The following NXPE4 variants were observed in gnomAD, a reference collection of about 807,000 sequenced individuals.
NXPE4 encodes neurexophilin and PC-esterase domain family member 4.
In NXPE4, 42 loss-of-function variants were observed where a neutral mutation model predicts 33.3. That is an observed-to-expected ratio of 1.26 (90% confidence interval 0.98 to 1.63). The LOEUF (loss-of-function observed/expected upper bound fraction) is 1.63. Ranked by LOEUF, NXPE4 falls within the 40% of genes most tolerant of loss-of-function variation. The pLI, the probability that NXPE4 is intolerant of heterozygous loss-of-function variation, is 0.00. For synonymous variants in NXPE4, 253 were observed against 234.9 expected, an observed-to-expected ratio of 1.08 and a Z score of -0.71; for missense variants, 709 against 647.6, an observed-to-expected ratio of 1.09 and a Z score of -1.03.
intron 5 of NXPE4, among the ~76,000 whole-genome samples, chr11:114,578,052 A>T (rs182815866): frequency 8.5e-5 from 13 of 152,324 alleles, no homozygotes; most frequent in Admixed American, 8.5e-4. Flanking sequence ...CACATTAATT[A>T]GACTTTTATC....
At chr11:114,585,889 C>T (rs1949283765) in intron 2 of NXPE4, among the ~76,000 whole-genome samples, 1 of 152,130 alleles carries the variant, frequency 6.6e-6, no homozygotes, top group Non-Finnish European at 1.5e-5. Context: ...CAGGCATGTT[C>T]AACATGGAGG....
chr11:114,621,034 G>T, the NXPE4 span, among the ~76,000 whole-genome samples: 1 of 152,142 alleles, frequency 6.6e-6, no homozygotes. Context: ...CTGTTACGCA[G>T]TGCACAATAA....
chr11:114,617,558 A>G, the NXPE4 span, among the ~76,000 whole-genome samples: 1 of 152,102 alleles, frequency 6.6e-6, no homozygotes, highest in African/African-American at 2.4e-5. Flanking sequence ...CCAGTGGAAA[A>G]TAATAGTTGC....
the NXPE4 span, among the ~76,000 whole-genome samples, chr11:114,632,009 C>A: frequency 6.8e-6 from 1 of 146,050 alleles, no homozygotes; most frequent in Non-Finnish European, 1.5e-5. Context: ...CTACTATTAC[C>A]TAATAGATAA....
chr11:114,572,500 AATAG>A (rs1427909617), intron 5 of NXPE4, among the ~76,000 whole-genome samples: 3 of 152,204 alleles, frequency 2.0e-5, no homozygotes, highest in Admixed American at 6.5e-5. Context: ...TCTTCAGTGA[AATAG>A]ATAGTATAAA....
chr11:114,571,563 A>G, intron 5 of NXPE4, 90 bp from the exon 6 acceptor site: 1 of 1,178,742 alleles, frequency 8.5e-7, no homozygotes, highest in Admixed American at 2.3e-5. Flanking sequence ...TGATTGGTAT[A>G]ATTAAATAAG....
the NXPE4 span, among the ~76,000 whole-genome samples, chr11:114,621,113 A>G: frequency 6.6e-6 from 1 of 152,062 alleles, no homozygotes; most frequent in African/African-American, 2.4e-5. Context: ...AACCACTGTT[A>G]CCCTGTGGAT....
chr11:114,618,922 A>T, the NXPE4 span, among the ~76,000 whole-genome samples: 1 of 152,178 alleles, frequency 6.6e-6, no homozygotes, highest in Non-Finnish European at 1.5e-5. Flanking sequence ...TCTCATGGGT[A>T]ATCACTGCTA....
At chr11:114,624,955 C>A in the NXPE4 span, among the ~76,000 whole-genome samples, 1 of 152,016 alleles carries the variant, frequency 6.6e-6, no homozygotes, top group African/African-American at 2.4e-5. Flanking sequence ...TCGTGAGTAA[C>A]CACTGTCACC....
chr11:114,625,115 A>G, the NXPE4 span, among the ~76,000 whole-genome samples: 1 of 151,532 alleles, frequency 6.6e-6, no homozygotes, highest in Admixed American at 6.6e-5. Context: ...GTATTGCCTC[A>G]TGGGTAACCA....
the NXPE4 span, among the ~76,000 whole-genome samples, chr11:114,625,850 T>C: frequency 1.1e-4 from 16 of 152,172 alleles, no homozygotes; most frequent in African/African-American, 3.4e-4. Flanking sequence ...TGGTGAGGCA[T>C]TGCCTCACTC....
At chr11:114,615,663 C>T in the NXPE4 span, among the ~76,000 whole-genome samples, 2 of 151,592 alleles carry the variant, frequency 1.3e-5, no homozygotes, top group Non-Finnish European at 2.9e-5. Flanking sequence ...CCACTGTTAC[C>T]CGATGGATAA....
the NXPE4 span, among the ~76,000 whole-genome samples, chr11:114,644,987 A>T: frequency 2.0e-5 from 3 of 152,126 alleles, no homozygotes; most frequent in African/African-American, 7.2e-5. Context: ...AACACTTAAT[A>T]AATGATTATT....
chr11:114,629,719 G>A, the NXPE4 span, among the ~76,000 whole-genome samples: 294 of 151,906 alleles, frequency 1.9e-3, 5 homozygotes, highest in Admixed American at 0.018. Flanking sequence ...TAGGAAAAGA[G>A]GAAGTCAAAT....
chr11:114,659,120 C>T, the NXPE4 span, among the ~76,000 whole-genome samples: 1 of 152,202 alleles, frequency 6.6e-6, no homozygotes, highest in Non-Finnish European at 1.5e-5. Context: ...ATGCTCCTCC[C>T]TACCTCATGG....
At chr11:114,638,275 A>C in the NXPE4 span, among the ~76,000 whole-genome samples, 1 of 151,942 alleles carries the variant, frequency 6.6e-6, no homozygotes, top group Non-Finnish European at 1.5e-5. Flanking sequence ...AGGCTTCTGC[A>C]TTCTTCATGT....
intron 2 of NXPE4, among the ~76,000 whole-genome samples, chr11:114,592,273 T>C (rs1025246799): frequency 6.6e-6 from 1 of 152,176 alleles, no homozygotes; most frequent in Middle Eastern, 3.4e-3. Context: ...TTTAGAACAC[T>C]CCATAGACTT....
At chr11:114,628,789 A>G in the NXPE4 span, among the ~76,000 whole-genome samples, 3 of 151,946 alleles carry the variant, frequency 2.0e-5, no homozygotes, top group Non-Finnish European at 4.4e-5. Flanking sequence ...ACTAATAATG[A>G]AAAAAAGAGA....
At chr11:114,660,809 ATTTTC>A in the NXPE4 span, among the ~76,000 whole-genome samples, 1 of 152,216 alleles carries the variant, frequency 6.6e-6, no homozygotes, top group East Asian at 1.9e-4. Context: ...ACAACTACAT[ATTTTC>A]ACAGCCAATA....
Sources: allele counts gnomAD v4.1 joint callset (sites outside exome capture counted in the v4.1 genomes callset), GRCh38; gene constraint gnomAD v4.1.1; transcripts MANE v1.5; gene names NCBI Gene and HGNC (gene_info 2026-07-23, HGNC 2026-07-21).